NANS: variants seen among roughly 807,000 people sequenced by gnomAD.
The protein encoded by NANS is N-acetylneuraminate-9-phosphate synthase.
In NANS, 29 loss-of-function variants were observed where a neutral mutation model predicts 33.3. The observed-to-expected ratio is 0.87, with a 90% CI of 0.65 to 1.19. The LOEUF (loss-of-function observed/expected upper bound fraction) is 1.19, where lower values mean the gene tolerates loss of function less well. Among genes scored for constraint, NANS ranks in the 50% most tolerant of loss-of-function variants. The pLI, the probability that NANS is intolerant of heterozygous loss-of-function variation, is 0.00. For synonymous variants in NANS, 163 were observed against 177.2 expected (o/e 0.92, Z 0.64); for missense variants, 394 against 461.1 (o/e 0.85, Z 1.33).
intron 1 of NANS, 114 bp downstream of exon 1, chr9:98,057,054 C>A: frequency 7.5e-7 from 1 of 1,339,408 alleles, no homozygotes; most frequent in South Asian, 1.5e-5. Flanking sequence ...CCGGCCTCTT[C>A]CCGCCCGCCA....
At chr9:98,073,190 T>C (rs960675918) in intron 2 of NANS, among the ~76,000 whole-genome samples, 2 of 150,740 alleles carry the variant, frequency 1.3e-5, no homozygotes, top group Non-Finnish European at 3.0e-5. Flanking sequence ...TCTGACAGGC[T>C]GCTGCCCTGA....
At chr9:98,078,465 C>A in intron 4 of NANS, 118 bp downstream of exon 4, 1 of 1,294,010 alleles carries the variant, frequency 7.7e-7, no homozygotes, top group Non-Finnish European at 1.1e-6. Context: ...CATCCTTTGA[C>A]AGTCTTGCTG....
chr9:98,071,977 T>C (rs1305049820), intron 2 of NANS, among the ~76,000 whole-genome samples: 1 of 152,188 alleles, frequency 6.6e-6, no homozygotes, highest in African/African-American at 2.4e-5. Context: ...AGTTGGGTGA[T>C]AGGGAGGAGT....
chr9:98,081,088 T>C lies in NANS; in HGVS notation c.870+6T>C, dbSNP rs1829836237. 4 of 1,614,074 alleles carry C rather than the reference T, an allele frequency of 2.5e-6. No homozygotes were observed. The highest frequency in any genetic ancestry group is 3.4e-6 in the Non-Finnish European group (4 of 1,179,990). On this transcript the variant is annotated splice_donor_region_variant and intron_variant, in intron 5 of 5. Coordinates refer to ENST00000210444, the MANE Select transcript of NANS (RefSeq NM_018946.4). ...AGATGGCCTGCAATGAGAAGGTGTG[T>C]CCTGCCGGACTCTACTCGGTTCTGC...
intron 2 of NANS, 136 bp from the exon 3 acceptor site, chr9:98,076,781 GC>G: frequency 1.5e-6 from 1 of 654,280 alleles, no homozygotes; most frequent in Non-Finnish European, 2.6e-6. Flanking sequence ...ACAAATCTTT[GC>G]CTGCTTTCAA....
In NANS at chr9:98,072,796, G is replaced by A. The variant is rs112419741; in HGVS notation, c.349-4122G>A. The stretch of plus-strand genomic sequence containing the variant: ...TGGAGGTAGATTGGTTCCTTGTTCT[G>A]TATTTACCTAGCAAGTGGCTCCCAG... On this transcript the variant is annotated intron_variant, in intron 2 of 5. Transcript: ENST00000210444. 9.5e-3 allele frequency among the ~76,000 whole-genome samples: 1,445 copies of A among 152,194 alleles called. 20 individuals carry two copies. The highest frequency in any genetic ancestry group is 0.033 in the African/African-American group (1,365 of 41,524).
chr9:98,062,344 T>C (rs917709998), intron 2 of NANS, among the ~76,000 whole-genome samples: 7 of 152,056 alleles, frequency 4.6e-5, no homozygotes, highest in African/African-American at 1.4e-4. Flanking sequence ...TCACCGGTGG[T>C]TTTTGGCTTG....
chr9:98,082,371 G>C (rs1382027816), intron 5 of NANS, among the ~76,000 whole-genome samples: 2 of 152,142 alleles, frequency 1.3e-5, no homozygotes, highest in Non-Finnish European at 2.9e-5. Context: ...CCCTGGCCAA[G>C]TCACCCACCC....
chr9:98,062,032 G>A (rs1828998322), intron 2 of NANS, among the ~76,000 whole-genome samples: 1 of 151,698 alleles, frequency 6.6e-6, no homozygotes, highest in East Asian at 1.9e-4. Context: ...GACCAGTGTG[G>A]GCAACACAGG....
intron 2 of NANS, chr9:98,061,347 C>T (rs1037024552): frequency 2.5e-5 from 6 of 238,916 alleles, no homozygotes; most frequent in Non-Finnish European, 3.4e-5. Context: ...CATGGTGGTG[C>T]GTGCCTGTAA....
chr9:98,071,263 A>G (rs1416336580), intron 2 of NANS, among the ~76,000 whole-genome samples: 1 of 152,162 alleles, frequency 6.6e-6, no homozygotes, highest in Non-Finnish European at 1.5e-5. Context: ...CATACCCCCG[A>G]CTGTATGATG....
intron 4 of NANS, among the ~76,000 whole-genome samples, chr9:98,080,485 T>C (rs1324778064): frequency 2.0e-5 from 3 of 152,280 alleles, no homozygotes; most frequent in South Asian, 2.1e-4. Flanking sequence ...CAGATGGTTT[T>C]TGAATGAGGT....
chr9:98,059,350 C>A (rs1410026452), intron 1 of NANS, among the ~76,000 whole-genome samples: 1 of 152,172 alleles, frequency 6.6e-6, no homozygotes, highest in Non-Finnish European at 1.5e-5. Flanking sequence ...AGCATGAATA[C>A]CTCTGTGTCT....
chr9:98,073,681 T>TA (rs1564161727), intron 2 of NANS, among the ~76,000 whole-genome samples: 2 of 152,042 alleles, frequency 1.3e-5, no homozygotes, highest in African/African-American at 4.8e-5. Context: ...TCTCTTTCCT[T>TA]ACCCCTGACT....
At chr9:98,079,075 A>G (rs1829730905) in intron 4 of NANS, among the ~76,000 whole-genome samples, 1 of 151,968 alleles carries the variant, frequency 6.6e-6, no homozygotes, top group Non-Finnish European at 1.5e-5. Context: ...GACAGCCTTG[A>G]TGGAAATTAC....
intron 1 of NANS, 45 bp downstream of exon 1, chr9:98,056,985 G>A: frequency 1.3e-6 from 2 of 1,516,168 alleles, no homozygotes; most frequent in Non-Finnish European, 1.8e-6. Context: ...CGCCGGGAGG[G>A]GCGGGGCGGG....
chr9:98,082,666 A>G (rs1234529973), intron 5 of NANS, among the ~76,000 whole-genome samples, 180 bp from the exon 6 acceptor site: 2 of 152,164 alleles, frequency 1.3e-5, no homozygotes, highest in African/African-American at 4.8e-5. Flanking sequence ...TCTGAATTCA[A>G]TCTATACTGG....
chr9:98,082,377 C>A (rs1433025387), intron 5 of NANS, among the ~76,000 whole-genome samples: 1 of 152,186 alleles, frequency 6.6e-6, no homozygotes, highest in African/African-American at 2.4e-5. Flanking sequence ...CCAAGTCACC[C>A]ACCCTGTATG....
intron 2 of NANS, among the ~76,000 whole-genome samples, chr9:98,068,392 G>A (rs868084273): frequency 5.3e-5 from 8 of 151,874 alleles, no homozygotes; most frequent in South Asian, 4.2e-4. Context: ...TGCCTTCCTC[G>A]GCCTCCCAAA....
Sources: gnomAD v4.1 joint callset for allele counts (sites outside exome capture counted in the v4.1 genomes callset) on GRCh38, gnomAD v4.1.1 for gene constraint, MANE v1.5 for transcripts, NCBI Gene and HGNC (gene_info 2026-07-23, HGNC 2026-07-21) for gene names.